The following NFYA variants were observed in gnomAD, a reference collection of about 807,000 sequenced individuals.
The protein encoded by NFYA is nuclear transcription factor Y subunit alpha.
Under a neutral mutation model 52.8 loss-of-function variants are expected in NFYA, and 28 were observed. That is an observed-to-expected ratio of 0.53 (90% CI 0.39 to 0.73). The LOEUF is 0.73. Ranked by LOEUF, NFYA falls within the 30% of genes least tolerant of loss-of-function variation. The probability of loss-of-function intolerance (pLI) is 0.00; values close to 1 mark genes in which losing one functional copy is unlikely to be tolerated. For synonymous variants in NFYA, 150 were observed against 150.7 expected (o/e 1.00, Z 0.03); for missense variants, 234 against 427.0 (o/e 0.55, Z 3.98).
chr6:41,091,760 A>G, intron 7 of NFYA, 66 bp downstream of exon 7: 1 of 1,559,576 alleles, frequency 6.4e-7, no homozygotes, highest in Non-Finnish European at 8.7e-7. Flanking sequence ...GATGCCTCCT[A>G]AAATTTATTA....
intron 4 of NFYA, among the ~76,000 whole-genome samples, chr6:41,088,352 G>A (rs1170838948): frequency 1.3e-5 from 2 of 150,108 alleles, no homozygotes; most frequent in Admixed American, 1.3e-4. Flanking sequence ...GAACCCAGGA[G>A]GCGGAGCTTG....
In NFYA at chr6:41,100,259, G is replaced by A. The variant is rs1381542156; in HGVS notation, c.*2849G>A. Reference sequence around the variant, plus strand: ...AAAATGTGATGAAGTAATTCCATGAGGAAAATTAGCCGTTATCACAAAAAC... The same window carrying A: ...AAAATGTGATGAAGTAATTCCATGAAGAAAATTAGCCGTTATCACAAAAAC... On this transcript the variant is annotated 3_prime_UTR_variant, in exon 10 of 10. Transcript: ENST00000341376. 2.0e-5 allele frequency among the ~76,000 whole-genome samples: 3 copies of A among 152,138 alleles called. No homozygotes were observed. The highest frequency in any genetic ancestry group is 4.4e-5 in the Non-Finnish European group (3 of 68,020).
At chr6:41,091,486 T>C in intron 6 of NFYA, 42 bp from the exon 7 acceptor site, 1 of 1,596,628 alleles carries the variant, frequency 6.3e-7, no homozygotes, top group Non-Finnish European at 8.6e-7. Context: ...TTCTGTTCTG[T>C]GTGCCTGTTT....
intron 8 of NFYA, among the ~76,000 whole-genome samples, chr6:41,093,847 C>T (rs1195688085): frequency 6.6e-6 from 1 of 152,186 alleles, no homozygotes; most frequent in Non-Finnish European, 1.5e-5. Context: ...CCTGATCACA[C>T]CTAACATGCA....
intron 8 of NFYA, 70 bp downstream of exon 8, chr6:41,093,155 T>C (rs999289589): frequency 1.3e-5 from 18 of 1,406,022 alleles, no homozygotes; most frequent in Non-Finnish European, 1.7e-5. Flanking sequence ...TTATCTTTTA[T>C]ATGGCTTGTT....
chr6:41,073,273 A>G (rs1392969045), intron 1 of NFYA, among the ~76,000 whole-genome samples, 189 bp downstream of exon 1: 1 of 151,180 alleles, frequency 6.6e-6, no homozygotes, highest in Non-Finnish European at 1.5e-5. Context: ...CTCCCGGCCG[A>G]GGCCTGCAGG....
chr6:41,100,952 C>T lies in NFYA; in HGVS notation c.*3542C>T, dbSNP rs1764483039. ...CGCGGATTGATCGGCGGCAGGCCTC[C>T]AATAGAGCCTGCTAGGCGGATTGGC... On this transcript the variant is annotated 3_prime_UTR_variant, in exon 10 of 10. Transcript: ENST00000341376. 6.6e-6 allele frequency: 1 copy of T among 152,264 alleles called. No homozygotes were observed. The highest frequency in any genetic ancestry group is 1.5e-5 in the Non-Finnish European group (1 of 68,066). 9.4% of individuals were successfully genotyped at this position (152,264 alleles called of 1,614,324 possible).
At chr6:41,090,420 GA>G in intron 6 of NFYA, 111 bp downstream of exon 6, 1 of 555,974 alleles carries the variant, frequency 1.8e-6, no homozygotes, top group Non-Finnish European at 3.3e-6. Context: ...ATATTTTTTG[GA>G]CAAAAAAAAA....
In NFYA at chr6:41,100,048, C is replaced by T. The variant is rs542015169; in HGVS notation, c.*2638C>T. The T allele has an allele frequency of 6.6e-6, 1 of 152,184 alleles. No individual in the cohort carries two copies. The highest frequency in any genetic ancestry group is 1.5e-5 in the Non-Finnish European group (1 of 68,030). 9.4% of individuals were successfully genotyped at this position (152,184 alleles called of 1,614,324 possible). Reference sequence around the variant, plus strand: ...GTTTCCAGTGTTGAAATTTTGATCTCCCCCGACAAGACTTGTCTGCATGGA... The same window carrying T: ...GTTTCCAGTGTTGAAATTTTGATCTTCCCCGACAAGACTTGTCTGCATGGA... On this transcript the variant is annotated 3_prime_UTR_variant, in exon 10 of 10. Transcript: ENST00000341376.
In NFYA at chr6:41,079,011, T is replaced by C. The variant is rs1763832620; in HGVS notation, c.-61-18T>C. ...ATTGACAATCTCACTTTAGTTTCTT[T>C]CCCCACCTTTCTAACAGGAGTGTAC... On this transcript the variant is annotated intron_variant, in intron 1 of 9. Coordinates refer to ENST00000341376, the MANE Select transcript of NFYA (RefSeq NM_002505.5). 3 of 1,300,830 alleles carry C rather than the reference T, an allele frequency of 2.3e-6. No homozygotes were observed. The highest frequency in any genetic ancestry group is 3.3e-6 in the Non-Finnish European group (3 of 908,108). 80.6% of individuals were successfully genotyped at this position (1,300,830 alleles called of 1,614,324 possible).
chr6:41,089,631 A>G lies in NFYA; in HGVS notation c.362A>G (p.Gln121Arg). 1 of 1,612,740 alleles carries G rather than the reference A, an allele frequency of 6.2e-7. No homozygotes were observed. The highest frequency in any genetic ancestry group is 8.5e-7 in the Non-Finnish European group (1 of 1,180,000). ...QIQIQGGQAV[Q>R]VQGQQGQTQQ... ...CAGATCCAGGGTGGACAGGCTGTGC[A>G]GGTGCAGGGCCAGCAGGGCCAGACC... Residue 121 changes from glutamine to arginine, a missense_variant, in exon 5 of 10, where the codon CAG (glutamine) becomes CGG (arginine). This residue lies in a region of NFYA where 118 missense variants were observed against 182.4 expected (regional missense o/e 0.65). Coordinates refer to ENST00000341376, the MANE Select transcript of NFYA (RefSeq NM_002505.5).
intron 3 of NFYA, among the ~76,000 whole-genome samples, chr6:41,082,976 C>T (rs1763948542): frequency 6.6e-6 from 1 of 152,150 alleles, no homozygotes; most frequent in Non-Finnish European, 1.5e-5. Context: ...TACTATCTAA[C>T]CTACTCATCT....
chr6:41,089,046 C>T (rs926799136), intron 4 of NFYA, among the ~76,000 whole-genome samples: 7 of 151,934 alleles, frequency 4.6e-5, no homozygotes, highest in South Asian at 2.1e-4. Context: ...AGTGCAGTGG[C>T]GTGATCTCGG....
At chr6:41,083,691 C>T (rs990797021) in intron 3 of NFYA, among the ~76,000 whole-genome samples, 3 of 152,226 alleles carry the variant, frequency 2.0e-5, no homozygotes, top group African/African-American at 4.8e-5. Context: ...CTCCAGCCTT[C>T]ACTACAGACC....
Position 41,090,212 on chromosome 6 carries a change from G to A in NFYA, c.450G>A (p.Gln150=). The A allele has an allele frequency of 1.9e-6, 3 of 1,609,940 alleles. No individual in the cohort carries two copies. The highest frequency in any genetic ancestry group is 2.6e-6 in the Non-Finnish European group (3 of 1,176,406). The change falls in exon 6 of 10, where the codon CAG becomes CAA. Residue 150 remains glutamine (Q), a synonymous_variant. Transcript: ENST00000341376. ...TTACTTATTTCCTCCAGACACAGCA[G>A]CAGATTGCTGTCCAGGGACAGCAAG... ...AVTAGQTQTQ[Q]QIAVQGQQVA... is the part of the protein sequence containing the mutation.
At chr6:41,093,345 G>A (rs983148903) in intron 8 of NFYA, among the ~76,000 whole-genome samples, 1 of 152,140 alleles carries the variant, frequency 6.6e-6, no homozygotes, top group Non-Finnish European at 1.5e-5. Flanking sequence ...TCCTGGACTG[G>A]TAGCACATTT....
intron 9 of NFYA, among the ~76,000 whole-genome samples, chr6:41,097,096 A>C (rs925776061): frequency 2.7e-4 from 41 of 152,198 alleles, no homozygotes; most frequent in African/African-American, 9.6e-4. Context: ...GTTCTTAGGA[A>C]AGAGATACAC....
intron 1 of NFYA, among the ~76,000 whole-genome samples, chr6:41,076,825 C>T (rs1488937099): frequency 1.3e-5 from 2 of 152,168 alleles, no homozygotes; most frequent in African/African-American, 4.8e-5. Context: ...CTGAAGCTCA[C>T]AGTAGTAGGA....
chr6:41,091,869 C>T (rs894151606), intron 7 of NFYA, among the ~76,000 whole-genome samples, 175 bp downstream of exon 7: 11 of 152,254 alleles, frequency 7.2e-5, no homozygotes, highest in African/African-American at 2.6e-4. Context: ...TGAGCACCTA[C>T]TATGTGCCAG....
Sources: allele counts gnomAD v4.1 joint callset (sites outside exome capture counted in the v4.1 genomes callset), GRCh38; gene constraint gnomAD v4.1.1; regional missense constraint gnomAD v4.1.1; transcripts MANE v1.5; gene names NCBI Gene and HGNC (gene_info 2026-07-23, HGNC 2026-07-21).